LRRK1: variants seen among roughly 807,000 people sequenced by gnomAD.
LRRK1 encodes the protein leucine rich repeat kinase 1, also known as leucine-rich repeat serine/threonine-protein kinase 1.
A neutral mutation model predicts 209.1 loss-of-function variants in LRRK1; 113 were observed. That is an observed-to-expected ratio of 0.54 (90% CI 0.46 to 0.63). LRRK1 has a LOEUF of 0.63. Among genes scored for constraint, LRRK1 ranks in the 30% least tolerant of loss-of-function variants. The probability of loss-of-function intolerance (pLI) is 0.00; values close to 1 mark genes in which losing one functional copy is unlikely to be tolerated. For synonymous variants in LRRK1, 1,144 were observed against 1,099.7 expected (o/e 1.04, Z -0.80); for missense variants, 2,284 against 2,632.2 (o/e 0.87, Z 2.89).
intron 26 of LRRK1, among the ~76,000 whole-genome samples, chr15:101,054,337 C>G (rs1300352858): frequency 6.6e-6 from 1 of 152,226 alleles, no homozygotes; most frequent in Non-Finnish European, 1.5e-5. Context: ...GAGGTGAACT[C>G]TAGAGATTTC....
chr15:101,004,121 C>T (rs145822005), intron 6 of LRRK1, among the ~76,000 whole-genome samples: 85 of 152,316 alleles, frequency 5.6e-4, no homozygotes, highest in Middle Eastern at 3.4e-3. Context: ...GGGAGTGTGC[C>T]CCTTCCCCTA....
At chr15:101,041,225 C>T (rs1292842733) in intron 20 of LRRK1, among the ~76,000 whole-genome samples, 2 of 152,126 alleles carry the variant, frequency 1.3e-5, no homozygotes, top group East Asian at 3.8e-4. Flanking sequence ...TCTTTTAGTT[C>T]TACCTGGGTT....
chr15:101,050,941 G>C (rs1318571281), intron 23 of LRRK1, among the ~76,000 whole-genome samples: 5 of 152,236 alleles, frequency 3.3e-5, no homozygotes, highest in Non-Finnish European at 4.4e-5. Context: ...TCCCCACACA[G>C]CAGGTGCTGG....
In LRRK1 at chr15:100,945,482, C is replaced by CTTTTTTT. The variant is rs34038990; in HGVS notation, c.97+20778_97+20784dup. On this transcript the variant is annotated intron_variant, in intron 2 of 33. Coordinates refer to ENST00000388948, the MANE Select transcript of LRRK1 (RefSeq NM_024652.6). The stretch of plus-strand genomic sequence containing the variant: ...TTTAAAAACTATCTCTGCAGAGCCT[C>CTTTTTTT]TTTTTTTTTTTTTTTTTTTTTTTTT... Among the ~76,000 whole-genome samples, 23 of 63,606 alleles carry CTTTTTTT rather than the reference C, an allele frequency of 3.6e-4. 3 individuals carry two copies. The highest frequency in any genetic ancestry group is 9.1e-4 in the African/African-American group (14 of 15,360). 41.7% of individuals were successfully genotyped at this position (63,606 alleles called of 152,430 possible).
intron 2 of LRRK1, among the ~76,000 whole-genome samples, chr15:100,948,049 G>T (rs1488874156): frequency 1.3e-5 from 2 of 152,226 alleles, no homozygotes; most frequent in Non-Finnish European, 2.9e-5. Context: ...CAGACACACT[G>T]CTGAACTCCT....
At chr15:101,047,283 A>T (rs1381744663) in intron 21 of LRRK1, among the ~76,000 whole-genome samples, 1 of 152,268 alleles carries the variant, frequency 6.6e-6, no homozygotes, top group Admixed American at 6.5e-5. Context: ...CCATCGTGAC[A>T]GTAGCAGCCT....
intron 5 of LRRK1, 43 bp from the exon 6 acceptor site, chr15:100,989,206 AC>A: frequency 7.1e-7 from 1 of 1,410,630 alleles, no homozygotes; most frequent in Non-Finnish European, 9.9e-7. Flanking sequence ...CGACTGTGAC[AC>A]TAGCATCTGC....
intron 6 of LRRK1, among the ~76,000 whole-genome samples, chr15:101,008,013 C>T (rs112461537): frequency 1.3e-5 from 2 of 151,552 alleles, no homozygotes; most frequent in African/African-American, 2.4e-5. Context: ...AAAAATTAGC[C>T]GTGAGTGGTG....
intron 6 of LRRK1, 22 bp downstream of exon 6, chr15:100,989,420 A>T: frequency 6.2e-7 from 1 of 1,612,438 alleles, no homozygotes; most frequent in Non-Finnish European, 8.5e-7. Flanking sequence ...CTGCCTGTGG[A>T]GTGTGTTTTA....
rs2033864160 is a variant in LRRK1, at chr15:101,022,877, C to T, written c.2067+280C>T. ...CTCTCAGGCTGGATGCATCCTCAACCTCCCCAGCTTAAATGATCCACCTGC... is the reference window on the plus strand; with the variant it reads ...CTCTCAGGCTGGATGCATCCTCAACTTCCCCAGCTTAAATGATCCACCTGC... On this transcript the variant is annotated intron_variant, in intron 15 of 33. Coordinates refer to ENST00000388948, the MANE Select transcript of LRRK1 (RefSeq NM_024652.6). The surrounding 1 kb of genome is among the most constrained non-coding windows in gnomAD (Gnocchi z 4.0). 6.6e-6 allele frequency among the ~76,000 whole-genome samples: 1 copy of T among 151,918 alleles called. No individual in the cohort carries two copies. Among genetic ancestry groups the T allele is most frequent in the Non-Finnish European group, 1.5e-5 (1 of 67,994 alleles).
chr15:101,027,852 AC>A lies in LRRK1; in HGVS notation c.2686+56del. On this transcript the variant is annotated intron_variant, in intron 19 of 33. Coordinates refer to ENST00000388948, the MANE Select transcript of LRRK1 (RefSeq NM_024652.6). This position sits in a 1 kb window ranked among gnomAD's most constrained non-coding sequence, Gnocchi z 5.1. ...GCCCGTGAGAAATGGAACTGTCTGT[AC>A]TTGCTAACTTCAGCTTGGCCTCAGT... The A allele has an allele frequency of 6.8e-7, 1 of 1,468,626 alleles. No individual in the cohort carries two copies. Among genetic ancestry groups the A allele is most frequent in the Admixed American group, 2.2e-5 (1 of 45,180 alleles). The allele number at this position is 1,468,626 out of a possible 1,614,324, so 91.0% of individuals were successfully genotyped here. A position where few individuals can be genotyped will look rare whatever the true frequency, so the allele number is the denominator to read the frequency against.
chr15:100,937,380 T>C (rs1291852149), intron 2 of LRRK1, among the ~76,000 whole-genome samples: 3 of 152,222 alleles, frequency 2.0e-5, no homozygotes, highest in African/African-American at 7.2e-5. Flanking sequence ...AGTTCCCCTT[T>C]TTTATTGGCC....
intron 2 of LRRK1, among the ~76,000 whole-genome samples, chr15:100,929,258 C>T (rs1279697014): frequency 6.8e-6 from 1 of 146,030 alleles, no homozygotes; most frequent in Non-Finnish European, 1.5e-5. Flanking sequence ...GCAGACATCA[C>T]CCAGGCAGTG....
intron 3 of LRRK1, 91 bp downstream of exon 3, chr15:100,974,058 G>A (rs2031144758): frequency 1.8e-6 from 2 of 1,086,186 alleles, no homozygotes; most frequent in Non-Finnish European, 2.3e-6. Context: ...TTGTCATAAC[G>A]GTAATGGGCG....
intron 2 of LRRK1, among the ~76,000 whole-genome samples, chr15:100,927,639 A>G (rs2042139052): frequency 6.6e-6 from 1 of 152,202 alleles, no homozygotes; most frequent in Admixed American, 6.5e-5. Context: ...AGAGTTGAAG[A>G]GGAGAGGAAG....
chr15:101,052,947 G>A lies in LRRK1; in HGVS notation c.3715G>A (p.Glu1239Lys). 1 of 1,610,002 alleles carries A rather than the reference G, an allele frequency of 6.2e-7. No individual in the cohort carries two copies. The highest frequency in any genetic ancestry group is 8.5e-7 in the Non-Finnish European group (1 of 1,177,110). The change falls in exon 25 of 34, where the codon GAG becomes AAG. Residue 1239 changes from glutamate (E) to lysine (K), a missense_variant. By Grantham distance (56) the Glu-to-Lys change is moderately conservative. This residue lies in a region of LRRK1 where 780 missense variants were observed against 985.2 expected (regional missense o/e 0.79). Transcript: ENST00000388948. ...ARLFLENSKL[E>K]HSEDEGSVLG... ...GCTCTTCCTGGAGAACAGCAAGCTG[G>A]AGCACAGCGAGGACGAGGGCAGCGT...
At position 101,071,994 on chromosome 15, in the gene LRRK1, C is replaced by G. The variant is rs2036824929; in HGVS notation, c.*3146C>G. The G allele has an allele frequency of 6.6e-6, 1 of 152,282 alleles. No individual in the cohort carries two copies. The allele number at this position is 152,282 out of a possible 1,614,324, so 9.4% of individuals were successfully genotyped here. A position where few individuals can be genotyped will look rare whatever the true frequency, so the allele number is the denominator to read the frequency against. The stretch of plus-strand genomic sequence containing the variant: ...GGAGGGACAGGAGAGCCTGGCGTGG[C>G]TGCGGCCTTGAAGGAGGGGACTGTG... On this transcript the variant is annotated 3_prime_UTR_variant, in exon 34 of 34. Transcript: ENST00000388948.
chr15:101,065,635 C>G lies in LRRK1; in HGVS notation c.5198C>G (p.Pro1733Arg). 6.2e-7 allele frequency: 1 copy of G among 1,614,166 alleles called. No homozygotes were observed. The highest frequency in any genetic ancestry group is 8.5e-7 in the Non-Finnish European group (1 of 1,180,028). ...ICRRLEPYMA[P>R]SMVTSVVCSS... ...AGGCGGCTGGAGCCCTACATGGCCC[C>G]CTCCATGGTTACGTCAGTCGTGTGC... Residue 1733 changes from proline to arginine, a missense_variant, in exon 32 of 34, where the codon CCC becomes CGC. This residue lies in a region of LRRK1 where 643 missense variants were observed against 695.9 expected (regional missense o/e 0.92). Coordinates refer to ENST00000388948, the MANE Select transcript of LRRK1 (RefSeq NM_024652.6).
At chr15:100,962,000 T>G (rs1167899005) in intron 2 of LRRK1, among the ~76,000 whole-genome samples, 1 of 152,232 alleles carries the variant, frequency 6.6e-6, no homozygotes, top group Non-Finnish European at 1.5e-5. Flanking sequence ...TCCATGAGAC[T>G]TCCTTGCTCT....
Sources: allele counts gnomAD v4.1 joint callset (sites outside exome capture counted in the v4.1 genomes callset), GRCh38; gene constraint gnomAD v4.1.1; regional missense constraint gnomAD v4.1.1; non-coding constraint Gnocchi (gnomAD v3.1); transcripts MANE v1.5; gene names NCBI Gene and HGNC (gene_info 2026-07-23, HGNC 2026-07-21).